NAAA: variants seen among roughly 807,000 people sequenced by gnomAD.
NAAA encodes N-acylethanolamine acid amidase.
In NAAA, 39 loss-of-function variants were observed where a neutral mutation model predicts 44.8. The ratio of observed to expected loss-of-function variants is 0.87; its 90% CI spans 0.67 to 1.14. NAAA has a LOEUF of 1.14. Among genes scored for constraint, NAAA ranks in the 50% most tolerant of loss-of-function variants. The probability of loss-of-function intolerance (pLI) is 0.00; values close to 1 mark genes in which losing one functional copy is unlikely to be tolerated. For synonymous variants in NAAA, 178 were observed against 191.3 expected (o/e 0.93, Z 0.58); for missense variants, 460 against 467.8 (o/e 0.98, Z 0.15).
intron 3 of NAAA, among the ~76,000 whole-genome samples, chr4:75,933,741 G>A (rs1010148540): frequency 6.6e-6 from 1 of 152,000 alleles, no homozygotes; most frequent in African/African-American, 2.4e-5. Context: ...GGAATTTTAA[G>A]TTACAGCCTG....
In NAAA at chr4:75,940,877, G is replaced by C. The variant is rs1279017458; in HGVS notation, c.73C>G (p.Leu25Val). ...GCTGCTGGGGGCGAGGCGGCTGACA[G>C]CCCGGCCCCGGCCAGCAGCAGCAGC... ...LLLLLLAGAG[L>V]SAASPPAAPR... The change falls in exon 1 of 11, where the codon CTG becomes GTG. Residue 25 changes from leucine (L) to valine (V), a missense_variant. By Grantham distance (32) the Leu-to-Val change is conservative. Transcript: ENST00000286733. 4 of 1,563,826 alleles carry C rather than the reference G, an allele frequency of 2.6e-6. No homozygotes were observed. The highest frequency in any genetic ancestry group is 2.6e-6 in the Non-Finnish European group (3 of 1,165,130).
At chr4:75,912,999 A>T (rs1458734063), downstream of NAAA, among the ~76,000 whole-genome samples, 1 of 152,152 alleles carries the variant, frequency 6.6e-6, no homozygotes, top group African/African-American at 2.4e-5. Context: ...TACCTGGATA[A>T]CACTTCCTTC....
At chr4:75,916,735 AT>A (rs1725654430) in intron 9 of NAAA, among the ~76,000 whole-genome samples, 1 of 128,126 alleles carries the variant, frequency 7.8e-6, no homozygotes, top group Admixed American at 7.9e-5. Context: ...AAATGTAACT[AT>A]TTTATTATAA....
At chr4:75,927,224 T>C (rs1726784065) in intron 4 of NAAA, among the ~76,000 whole-genome samples, 1 of 148,902 alleles carries the variant, frequency 6.7e-6, no homozygotes, top group Non-Finnish European at 1.5e-5. Context: ...GAGACCAAAG[T>C]GGGTGGATCA....
chr4:75,937,804 G>A (rs543008977), intron 2 of NAAA, among the ~76,000 whole-genome samples: 2 of 152,288 alleles, frequency 1.3e-5, no homozygotes, highest in African/African-American at 4.8e-5. Flanking sequence ...CAAGGTTTCT[G>A]AGCTTAACTT....
chr4:75,934,616 C>G (rs28451731), intron 3 of NAAA, among the ~76,000 whole-genome samples: 1 of 151,802 alleles, frequency 6.6e-6, no homozygotes. Flanking sequence ...CGTGAGCCAC[C>G]GCGCCCAGCC....
chr4:75,911,151 C>T (rs1436182547), downstream of NAAA, among the ~76,000 whole-genome samples: 7 of 152,080 alleles, frequency 4.6e-5, no homozygotes, highest in Admixed American at 4.6e-4. Context: ...GTCACAAAGT[C>T]AATTGATCAG....
Position 75,914,225 on chromosome 4 carries a change from T to G in NAAA, c.*150A>C, listed in dbSNP as rs1031936993. On this transcript the variant is annotated 3_prime_UTR_variant, in exon 11 of 11. Coordinates refer to ENST00000286733, the MANE Select transcript of NAAA (RefSeq NM_014435.4). Reference sequence around the variant, plus strand: ...ATCTCCTGGACCCACTTCGCAAGGTTGTAAAGTTAAATGAGGAAGGAGCCT... The same window carrying G: ...ATCTCCTGGACCCACTTCGCAAGGTGGTAAAGTTAAATGAGGAAGGAGCCT... 3.0e-6 allele frequency: 3 copies of G among 985,744 alleles called. No homozygotes were observed. Among genetic ancestry groups the G allele is most frequent in the Non-Finnish European group, 3.6e-6 (3 of 829,960 alleles). 61.1% of individuals were successfully genotyped at this position (985,744 alleles called of 1,614,324 possible).
chr4:75,912,082 C>T (rs1403118377), downstream of NAAA, among the ~76,000 whole-genome samples: 1 of 152,118 alleles, frequency 6.6e-6, no homozygotes, highest in Non-Finnish European at 1.5e-5. Flanking sequence ...GCGGTTTCAA[C>T]AAAAAGGACA....
In NAAA at chr4:75,940,816, TC is replaced by T; in HGVS notation, c.133del (p.Glu45SerfsTer35). 6.3e-7 allele frequency: 1 copy of T among 1,597,700 alleles called. No individual in the cohort carries two copies. The highest frequency in any genetic ancestry group is 2.3e-5 in the East Asian group (1 of 44,412). On this transcript the variant is annotated frameshift_variant, in exon 1 of 11. Transcript: ENST00000286733. LOFTEE classifies it high-confidence loss of function. Reference sequence around the variant, plus strand: ...CCGCAGCACGGGCAGCCAGCGCAGCTCGGGGACCGAGTCCAGGCTCACGTTG... The same window carrying T: ...CCGCAGCACGGGCAGCCAGCGCAGCTGGGGACCGAGTCCAGGCTCACGTTG... ...RFNVSLDSVP[E>X]LRWLPVLRHY... is the part of the protein sequence containing the mutation.
In NAAA at chr4:75,936,139, T is replaced by A. The variant is rs1727693467; in HGVS notation, c.468A>T (p.Thr156=). 3.1e-6 allele frequency: 5 copies of A among 1,613,984 alleles called. No homozygotes were observed. Among genetic ancestry groups the A allele is most frequent in the Non-Finnish European group, 3.4e-6 (4 of 1,179,994 alleles). Residue 156 remains threonine (T), a synonymous_variant, in exon 3 of 11, where the codon ACA becomes ACT. Coordinates refer to ENST00000286733, the MANE Select transcript of NAAA (RefSeq NM_014435.4). ...YPFGNVLRKL[T]VDVQFLKNGQ... ...CATTCTTTAAGAATTGCACATCCAC[T>A]GTCAGCTTGCGTAAGACATTCCCAA...
rs1032754368 is a variant in NAAA, at chr4:75,914,161, C to T, written c.*214G>A. On this transcript the variant is annotated 3_prime_UTR_variant, in exon 11 of 11. Transcript: ENST00000286733. Reference sequence around the variant, plus strand: ...GGCAAACCATGAAGGGAAGGGAATGCAGGACAATGCCCATTACTGGCTTTA... The same window carrying T: ...GGCAAACCATGAAGGGAAGGGAATGTAGGACAATGCCCATTACTGGCTTTA... The T allele has an allele frequency of 7.3e-5, 72 of 985,612 alleles. No individual in the cohort carries two copies. Among genetic ancestry groups the T allele is most frequent in the Non-Finnish European group, 8.1e-5 (67 of 829,962 alleles). 61.1% of individuals were successfully genotyped at this position (985,612 alleles called of 1,614,324 possible). A position where few individuals can be genotyped will look rare whatever the true frequency, so the allele number is the denominator to read the frequency against.
chr4:75,923,518 G>A (rs571489787), intron 5 of NAAA, among the ~76,000 whole-genome samples: 4 of 151,948 alleles, frequency 2.6e-5, no homozygotes, highest in African/African-American at 7.2e-5. Flanking sequence ...TGTTCAAAAC[G>A]GAGGCTCCAT....
chr4:75,920,745 CA>C lies in NAAA; in HGVS notation c.894del (p.Asp298GlufsTer43). 6.2e-7 allele frequency: 1 copy of C among 1,614,208 alleles called. No homozygotes were observed. Among genetic ancestry groups the C allele is most frequent in the East Asian group, 2.2e-5 (1 of 44,892 alleles). On this transcript the variant is annotated frameshift_variant, in exon 7 of 11. Transcript: ENST00000286733. LOFTEE classifies it high-confidence loss of function. ...YDHWKPAPKEDDRRTSAIKAL... is the reference protein window; with the variant it reads ...YDHWKPAPKEXDRRTSAIKAL... Reference sequence around the variant, plus strand: ...AAGCACGTAGCAGCCTACCTCCGGTCATCTTCCTTGGGTGCTGGCTTCCAGT... The same window carrying C: ...AAGCACGTAGCAGCCTACCTCCGGTCTCTTCCTTGGGTGCTGGCTTCCAGT...
rs971703357 is a variant in NAAA at position 75,937,647 on chromosome 4, G to A, written c.372-1412C>T. On this transcript the variant is annotated intron_variant, in intron 2 of 10. Transcript: ENST00000286733. ...ACCACAGGCGCAAGCCTCCACATCC[G>A]GCTAATTTTGTGGTATTTTTTGTAG... Among the ~76,000 whole-genome samples, 15 of 152,172 alleles carry A rather than the reference G, an allele frequency of 9.9e-5. 1 individual carries two copies. In the South Asian group the frequency reaches 2.3e-3, roughly 23 times the overall value.
At position 75,931,296 on chromosome 4, in the gene NAAA, GAA is replaced by G. The variant is rs1727210947; in HGVS notation, c.505_506del (p.Phe169HisfsTer25). Reference protein sequence around the residue: ...VQFLKNGQIAFTGTTFIGYVG... With the variant: ...VQFLKNGQIAXTGTTFIGYVG... The stretch of plus-strand genomic sequence containing the variant: ...CATAGCCAATAAAAGTAGTTCCTGT[GAA>G]TGCAATCTGAAATCAAGAGATAACA... On this transcript the variant is annotated frameshift_variant, in exon 4 of 11. Coordinates refer to ENST00000286733, the MANE Select transcript of NAAA (RefSeq NM_014435.4). LOFTEE classifies it high-confidence loss of function. 2 of 1,608,618 alleles carry G rather than the reference GAA, an allele frequency of 1.2e-6. No individual in the cohort carries two copies. Among genetic ancestry groups the G allele is most frequent in the East Asian group, 4.5e-5 (2 of 44,762 alleles).
At chr4:75,939,371 G>T (rs1296345853) in intron 2 of NAAA, among the ~76,000 whole-genome samples, 1 of 151,964 alleles carries the variant, frequency 6.6e-6, no homozygotes, top group Non-Finnish European at 1.5e-5. Context: ...ATGAGAGGAG[G>T]CTTAGTTTCA....
At chr4:75,934,132 T>C in intron 3 of NAAA, among the ~76,000 whole-genome samples, 1 of 151,170 alleles carries the variant, frequency 6.6e-6, no homozygotes, top group East Asian at 1.9e-4. Context: ...ACAAAAACTA[T>C]CAGTAGGCCT....
At chr4:75,915,551 G>C (rs1213085055) in intron 9 of NAAA, among the ~76,000 whole-genome samples, 1 of 152,108 alleles carries the variant, frequency 6.6e-6, no homozygotes, top group Non-Finnish European at 1.5e-5. Context: ...ACCATCAGGA[G>C]AATATCACCC....
Sources: allele counts gnomAD v4.1 joint callset (sites outside exome capture counted in the v4.1 genomes callset), GRCh38; gene constraint gnomAD v4.1.1; transcripts MANE v1.5; gene names NCBI Gene and HGNC (gene_info 2026-07-23, HGNC 2026-07-21).